MACROD2: variants seen among roughly 807,000 people sequenced by gnomAD.
The protein encoded by MACROD2 is ADP-ribose glycohydrolase MACROD2.
A neutral mutation model predicts 70.4 loss-of-function variants in MACROD2; 36 were observed. That is an observed-to-expected ratio of 0.51 (90% CI 0.39 to 0.68). The LOEUF (loss-of-function observed/expected upper bound fraction) is 0.68. MACROD2 is among the 30% of genes least tolerant of loss of function. The pLI, the probability that MACROD2 is intolerant of heterozygous loss-of-function variation, is 0.00. For synonymous variants in MACROD2, 172 were observed against 178.8 expected (o/e 0.96, Z 0.30); for missense variants, 496 against 538.4 (o/e 0.92, Z 0.78).
chr20:14,966,030 T>A (rs1161858317), intron 5 of MACROD2, among the ~76,000 whole-genome samples: 1 of 152,172 alleles, frequency 6.6e-6, no homozygotes, highest in African/African-American at 2.4e-5. Context: ...CATTCCTCAT[T>A]ATTAAGAACT....
chr20:14,043,729 T>G (rs2053427165), intron 2 of MACROD2, among the ~76,000 whole-genome samples: 2 of 152,176 alleles, frequency 1.3e-5, no homozygotes, highest in Admixed American at 1.3e-4. Flanking sequence ...GGTCAGAGAA[T>G]TTCTTTATGG....
intron 5 of MACROD2, among the ~76,000 whole-genome samples, chr20:15,127,707 G>A (rs1199279047): frequency 1.3e-5 from 2 of 152,018 alleles, no homozygotes; most frequent in Non-Finnish European, 2.9e-5. Context: ...ATGGGAGAGG[G>A]CACACAACCA....
intron 5 of MACROD2, among the ~76,000 whole-genome samples, chr20:15,133,578 G>A (rs2076122583): frequency 6.6e-6 from 1 of 152,090 alleles, no homozygotes; most frequent in Admixed American, 6.5e-5. Flanking sequence ...ATAAAATATG[G>A]TGAACTATCT....
rs2067350677 is a variant in MACROD2, at chr20:16,044,450, A to G, written c.1232-121A>G. The G allele has an allele frequency of 4.9e-6, 4 of 822,978 alleles. No individual in the cohort carries two copies. The Admixed American group carries it at 7.5e-5, about 15-fold the overall frequency. The allele number at this position is 822,978 out of a possible 1,614,324, so 51.0% of individuals were successfully genotyped here. On this transcript the variant is annotated intron_variant, in intron 16 of 17. Transcript: ENST00000684519. Reference sequence around the variant, plus strand: ...GTCCCCAAATCTTGAATGAATGAAAACAAATGGAAAAGAGGCATCAAATAG... The same window carrying G: ...GTCCCCAAATCTTGAATGAATGAAAGCAAATGGAAAAGAGGCATCAAATAG...
chr20:15,659,084 G>A (rs184972092), intron 8 of MACROD2, among the ~76,000 whole-genome samples: 3 of 152,220 alleles, frequency 2.0e-5, no homozygotes, highest in Admixed American at 2.0e-4. Context: ...ATGGAATATA[G>A]TGAGATATAA....
chr20:14,344,324 T>C (rs1239099657), intron 3 of MACROD2, among the ~76,000 whole-genome samples: 1 of 152,214 alleles, frequency 6.6e-6, no homozygotes, highest in Non-Finnish European at 1.5e-5. Flanking sequence ...ATTTGGATTA[T>C]GTAAATGTTT....
At chr20:14,818,027 G>A (rs2072793108) in intron 5 of MACROD2, among the ~76,000 whole-genome samples, 1 of 152,136 alleles carries the variant, frequency 6.6e-6, no homozygotes, top group Non-Finnish European at 1.5e-5. Context: ...TCTTCTGTGG[G>A]CTTACATCCA....
chr20:15,617,267 A>AGACATGATT (rs1355302017), intron 8 of MACROD2, among the ~76,000 whole-genome samples: 1 of 152,216 alleles, frequency 6.6e-6, no homozygotes, highest in Non-Finnish European at 1.5e-5. Context: ...GGGACACAAC[A>AGACATGATT]GACATGATTA....
intron 3 of MACROD2, among the ~76,000 whole-genome samples, chr20:14,160,204 G>A (rs1462911591): frequency 1.3e-5 from 2 of 152,012 alleles, no homozygotes; most frequent in African/African-American, 2.4e-5. Flanking sequence ...GTCTTTCTCC[G>A]GTTTTGGAAT....
At chr20:14,659,943 G>A (rs1986148350) in intron 4 of MACROD2, among the ~76,000 whole-genome samples, 1 of 151,990 alleles carries the variant, frequency 6.6e-6, no homozygotes, top group East Asian at 1.9e-4. Flanking sequence ...AAATATTTTG[G>A]ATTCTTTTAT....
rs201595422 is a variant in MACROD2, at chr20:14,210,878, A to C, written c.271+125150A>C. On this transcript the variant is annotated intron_variant, in intron 3 of 17. Transcript: ENST00000684519. ...TTTTCAGATGATTGGCTGATTGGCG[A>C]CTCTGGAACTGGGAACAAGTTAACG... Among the ~76,000 whole-genome samples the C allele has an allele frequency of 6.6e-5, 10 of 152,090 alleles. No homozygotes were observed. The East Asian group carries it at 1.7e-3, about 26-fold the overall frequency.
chr20:15,546,270 C>A lies in MACROD2; in HGVS notation c.645+46423C>A, dbSNP rs533670245. Among the ~76,000 whole-genome samples the A allele has an allele frequency of 3.9e-5, 6 of 152,296 alleles. 1 individual carries two copies. Among genetic ancestry groups the A allele is most frequent in the African/African-American group, 1.2e-4 (5 of 41,568 alleles). ...CAAAAAAAAGAGACTCTGACCATGACTTCACATGATAGCTAACACTTCTTG... is the reference window on the plus strand; with the variant it reads ...CAAAAAAAAGAGACTCTGACCATGAATTCACATGATAGCTAACACTTCTTG... On this transcript the variant is annotated intron_variant, in intron 8 of 17. Coordinates refer to ENST00000684519, the MANE Select transcript of MACROD2 (RefSeq NM_001351661.2).
chr20:14,492,177 G>C (rs1452904159), intron 3 of MACROD2, among the ~76,000 whole-genome samples: 2 of 152,198 alleles, frequency 1.3e-5, no homozygotes, highest in African/African-American at 4.8e-5. Context: ...ATGTGGTAAA[G>C]TCAGAGGGAC....
chr20:14,518,800 A>G (rs906359959), intron 4 of MACROD2, among the ~76,000 whole-genome samples: 6 of 152,258 alleles, frequency 3.9e-5, no homozygotes, highest in Non-Finnish European at 7.4e-5. Context: ...CACTCATAGG[A>G]TATAATTCAC....
chr20:14,005,629 C>T (rs61428196), intron 2 of MACROD2, among the ~76,000 whole-genome samples: 10,122 of 151,396 alleles, frequency 0.067, 382 homozygotes, highest in Non-Finnish European at 0.078. Flanking sequence ...GACTGAGTCT[C>T]ACTTACTTTG....
Position 15,321,939 on chromosome 20 carries a change from C to T in MACROD2, c.540+91878C>T, listed in dbSNP as rs532621844. Among the ~76,000 whole-genome samples the T allele has an allele frequency of 2.1e-5, 3 of 143,284 alleles. 1 individual carries two copies. The East Asian group carries it at 6.1e-4, about 29-fold the overall frequency. The allele number at this position is 143,284 out of a possible 152,430, so 94.0% of individuals were successfully genotyped here. A position where few individuals can be genotyped will look rare whatever the true frequency, so the allele number is the denominator to read the frequency against. ...TCCCAAGTATCTGGGACTACAGGCA[C>T]ATGCCACCATGCCCAGCTAATTATT... On this transcript the variant is annotated intron_variant, in intron 6 of 17. Transcript: ENST00000684519.
chr20:15,978,640 C>T (rs1488587976), intron 13 of MACROD2, among the ~76,000 whole-genome samples: 1 of 151,610 alleles, frequency 6.6e-6, no homozygotes, highest in African/African-American at 2.4e-5. Flanking sequence ...GCTAACCTTA[C>T]AACTTTGAGT....
chr20:15,480,199 G>T (rs886798113), intron 7 of MACROD2, among the ~76,000 whole-genome samples: 2 of 152,172 alleles, frequency 1.3e-5, no homozygotes, highest in South Asian at 2.1e-4. Flanking sequence ...GTACAGAAAT[G>T]TTGGCCCAAC....
intron 5 of MACROD2, among the ~76,000 whole-genome samples, chr20:15,070,487 G>A (rs1006516544): frequency 1.3e-5 from 2 of 152,102 alleles, no homozygotes; most frequent in African/African-American, 2.4e-5. Flanking sequence ...ATGTTGAAAT[G>A]TAATCCTCAA....
Sources: gnomAD v4.1 joint callset for allele counts (sites outside exome capture counted in the v4.1 genomes callset) on GRCh38, gnomAD v4.1.1 for gene constraint, MANE v1.5 for transcripts, NCBI Gene and HGNC (gene_info 2026-07-23, HGNC 2026-07-21) for gene names.